The following GPR179 variants were observed in gnomAD, a reference collection of about 807,000 sequenced individuals.
GPR179 encodes G protein-coupled receptor 179.
Under a neutral mutation model 70.8 loss-of-function variants are expected in GPR179, and 52 were observed. The ratio of observed to expected loss-of-function variants is 0.73; its 90% CI spans 0.59 to 0.93. GPR179 has a LOEUF of 0.93. Among genes scored for constraint, GPR179 ranks in the 40% least tolerant of loss-of-function variants. GPR179 has a pLI of 0.00. For missense variants in GPR179, 2,734 were observed against 2,966.8 expected (o/e 0.92, Z 1.82); for synonymous variants, 1,123 against 1,169.0 (o/e 0.96, Z 0.80).
chr17:38,342,452 G>A (rs2037457270), intron 1 of GPR179, among the ~76,000 whole-genome samples: 1 of 151,598 alleles, frequency 6.6e-6, no homozygotes, highest in African/African-American at 2.4e-5. Flanking sequence ...TGATTCTCCT[G>A]CCTCAGCCTC....
At position 38,327,994 on chromosome 17, in the gene GPR179, C is replaced by A. The variant is rs371603020; in HGVS notation, c.5575G>T (p.Val1859Leu). ...KGRLTSLGED[V>L]SKGMAKLCQQ... ...CACAGTTTTGCCATCCCTTTTGATA[C>A]GTCTTCTCCCAGGGAAGTGAGTCTC... The change falls in exon 11 of 11, where the codon GTA becomes TTA. Residue 1859 changes from valine (V) to leucine (L), a missense_variant. Physicochemically the swap from Val to Leu is conservative, Grantham distance 32. Coordinates refer to ENST00000616987, the MANE Select transcript of GPR179 (RefSeq NM_001004334.4). The A allele has an allele frequency of 4.8e-5, 78 of 1,613,974 alleles. No individual in the cohort carries two copies. Among genetic ancestry groups the A allele is most frequent in the Non-Finnish European group, 6.1e-5 (72 of 1,180,018 alleles).
Position 38,335,573 on chromosome 17 carries a change from G to C in GPR179, c.1406+18C>G. The stretch of plus-strand genomic sequence containing the variant: ...CTGGGATGAGCAGCATGAGAGCAAA[G>C]TCTGCCCCAGGCCGTACCTGTAAAG... On this transcript the variant is annotated intron_variant, in intron 6 of 10. Transcript: ENST00000616987. 2 of 1,562,754 alleles carry C rather than the reference G, an allele frequency of 1.3e-6. No homozygotes were observed.
At position 38,337,124 on chromosome 17, in the gene GPR179, C is replaced by T; in HGVS notation, c.1081G>A (p.Glu361Lys). The T allele has an allele frequency of 6.2e-7, 1 of 1,612,592 alleles. No individual in the cohort carries two copies. The highest frequency in any genetic ancestry group is 8.5e-7 in the Non-Finnish European group (1 of 1,179,518). The part of the protein sequence containing the change: ...GRLLQCLPCP[E>K]GCTSCMDATP... The stretch of plus-strand genomic sequence containing the variant: ...GCATCCATGCAGCTGGTGCAGCCCT[C>T]AGGACATGGCAGACACTGCAGCAGT... Residue 361 changes from glutamate (E) to lysine (K), a missense_variant, in exon 4 of 11, where the codon GAG becomes AAG. Physicochemically the swap from Glu to Lys is moderately conservative, Grantham distance 56. Transcript: ENST00000616987.
chr17:38,328,856 C>G lies in GPR179; in HGVS notation c.4713G>C (p.Gln1571His), dbSNP rs199691238. 4 of 1,613,346 alleles carry G rather than the reference C, an allele frequency of 2.5e-6. No homozygotes were observed. Among genetic ancestry groups the G allele is most frequent in the Non-Finnish European group, 3.4e-6 (4 of 1,179,866 alleles). The change falls in exon 11 of 11, where the codon CAG becomes CAC. Residue 1571 changes from glutamine (Q) to histidine (H), a missense_variant. Physicochemically the swap from Gln to His is conservative, Grantham distance 24. Coordinates refer to ENST00000616987, the MANE Select transcript of GPR179 (RefSeq NM_001004334.4). ...GCCTGAGATCTTCCTGTGGACACAC[C>G]TGCGTTGCTCTGCTTCCTCCATTGC... ...FLCNGGSRATQVCPQEDLRPE... is the reference protein window; with the variant it reads ...FLCNGGSRATHVCPQEDLRPE...
At chr17:38,338,399 A>G (rs1305264359) in intron 2 of GPR179, among the ~76,000 whole-genome samples, 3 of 152,216 alleles carry the variant, frequency 2.0e-5, no homozygotes, top group Non-Finnish European at 4.4e-5. Context: ...GACATCAGTG[A>G]CGCAAATGAA....
At position 38,337,073 on chromosome 17, in the gene GPR179, C is replaced by T. The variant is rs141091055; in HGVS notation, c.1132G>A (p.Ala378Thr). The part of the protein sequence containing the change: ...DATPCLVEEA[A>T]VLRAAVLACQ... ...GCCAGCACAGCGGCCCGCAGCACCGCGGCCTCTTCCACCAGGCACGGTGTG... is the reference window on the plus strand; with the variant it reads ...GCCAGCACAGCGGCCCGCAGCACCGTGGCCTCTTCCACCAGGCACGGTGTG... Residue 378 changes from alanine (A) to threonine (T), a missense_variant, in exon 4 of 11, where the codon GCG (alanine) becomes ACG (threonine). Transcript: ENST00000616987. 76 of 1,608,972 alleles carry T rather than the reference C, an allele frequency of 4.7e-5. No individual in the cohort carries two copies. Among genetic ancestry groups the T allele is most frequent in the Middle Eastern group, 1.7e-4 (1 of 6,004 alleles).
chr17:38,324,920 A>G lies in GPR179; in HGVS notation c.*1545T>C, dbSNP rs1309552367. On this transcript the variant is annotated 3_prime_UTR_variant, in exon 11 of 11. Coordinates refer to ENST00000616987, the MANE Select transcript of GPR179 (RefSeq NM_001004334.4). ...CTGTGAAGTCCCATAACCGCCCAGC[A>G]TATTTACATGCAGACTAGATGTTAA... Among the ~76,000 whole-genome samples the G allele has an allele frequency of 1.3e-5, 2 of 152,204 alleles. No individual in the cohort carries two copies. Among genetic ancestry groups the G allele is most frequent in the Admixed American group, 6.5e-5 (1 of 15,278 alleles).
At chr17:38,336,674 T>C (rs1246341703) in intron 4 of GPR179, among the ~76,000 whole-genome samples, 1 of 152,224 alleles carries the variant, frequency 6.6e-6, no homozygotes, top group Admixed American at 6.5e-5. Context: ...TTTATTTACA[T>C]GTCTGCTTCC....
At chr17:38,339,353 C>T (rs767955704) in intron 2 of GPR179, 64 bp downstream of exon 2, 41 of 999,158 alleles carry the variant, frequency 4.1e-5, no homozygotes, top group Admixed American at 1.3e-4. Flanking sequence ...TGCATGGTGG[C>T]GGTGATGGGA....
Position 38,343,699 on chromosome 17 carries a change from G to T in GPR179, c.91C>A (p.Pro31Thr). ...VCAWALGGPR[P>T]IRSLPPLSSQ... ...GACAGAGGGGGCAGAGAGCGGATGG[G>T]CCGTGGACCCCCCAGAGCCCAGGCA... Residue 31 changes from proline to threonine, a missense_variant, in exon 1 of 11, where the codon CCC becomes ACC. Transcript: ENST00000616987. This position sits in a 1 kb window ranked among gnomAD's most constrained non-coding sequence, Gnocchi z 4.2. The T allele has an allele frequency of 6.2e-7, 1 of 1,602,102 alleles. No homozygotes were observed. Among genetic ancestry groups the T allele is most frequent in the East Asian group, 2.2e-5 (1 of 44,634 alleles).
Position 38,328,925 on chromosome 17 carries a change from T to A in GPR179, c.4644A>T (p.Pro1548=). Residue 1548 remains proline, a synonymous_variant, in exon 11 of 11, where the codon CCA becomes CCT. Transcript: ENST00000616987. Reference sequence around the variant, plus strand: ...CTTTGGATGAGGAATTGTCTAGACATGGGCTGGAGTGCCCAGGGACCGTGC... The same window carrying A: ...CTTTGGATGAGGAATTGTCTAGACAAGGGCTGGAGTGCCCAGGGACCGTGC... ...RESTVPGHSS[P]CLDNSSSKAG... 1 of 1,614,198 alleles carries A rather than the reference T, an allele frequency of 6.2e-7. No homozygotes were observed.
Position 38,335,290 on chromosome 17 carries a change from A to G in GPR179, c.1407-19T>C, listed in dbSNP as rs762263858. 4 of 1,531,600 alleles carry G rather than the reference A, an allele frequency of 2.6e-6. No individual in the cohort carries two copies. The South Asian group carries it at 4.8e-5, about 18-fold the overall frequency. 94.9% of individuals were successfully genotyped at this position (1,531,600 alleles called of 1,614,324 possible). ...CAGCACTCTGCGAGGGTTAGAATAC[A>G]CAGGGTGGATGGCAGGGACCTGGGT... is the stretch of plus-strand genomic sequence containing the variant. On this transcript the variant is annotated intron_variant, in intron 6 of 10. Coordinates refer to ENST00000616987, the MANE Select transcript of GPR179 (RefSeq NM_001004334.4).
chr17:38,343,130 A>T lies in GPR179; in HGVS notation c.660T>A (p.Tyr220Ter). 6.2e-7 allele frequency: 1 copy of T among 1,614,158 alleles called. No individual in the cohort carries two copies. The highest frequency in any genetic ancestry group is 8.5e-7 in the Non-Finnish European group (1 of 1,180,008). ...GCCTCACCTGCTGCGTGTCCCCCAC[A>T]TATCCATCTGCCTGCGGCCACTTGG... is the stretch of plus-strand genomic sequence containing the variant. Reference protein sequence around the residue: ...GSPKWPQADGYVGDTQQVRLS... With the variant: ...GSPKWPQADG The change falls in exon 1 of 11, where the codon TAT (tyrosine) becomes TAA (stop). Residue 220 changes from tyrosine (Y) to a stop codon, truncating the protein, a stop_gained. Transcript: ENST00000616987. LOFTEE classifies it high-confidence loss of function. The surrounding 1 kb of genome is among the most constrained non-coding windows in gnomAD (Gnocchi z 4.2).
rs754071688 is a variant in GPR179, at chr17:38,329,085, A to G, written c.4484T>C (p.Leu1495Pro). The change falls in exon 11 of 11, where the codon CTG becomes CCG. Residue 1495 changes from leucine (L) to proline (P), a missense_variant. Leu to Pro is a moderately conservative substitution (Grantham distance 98). Transcript: ENST00000616987. ...DNVMGQEMLS[L>P]GTGRESLQEK... is the part of the protein sequence containing the mutation. ...TTGAAGAGATTCTCTACCTGTCCCC[A>G]GACTCAGCATTTCCTGCCCCATCAC... The G allele has an allele frequency of 6.8e-6, 11 of 1,611,666 alleles. No individual in the cohort carries two copies. Among genetic ancestry groups the G allele is most frequent in the Non-Finnish European group, 8.5e-6 (10 of 1,179,364 alleles).
Position 38,326,629 on chromosome 17 carries a change from C to A in GPR179, c.6940G>T (p.Gly2314Ter), listed in dbSNP as rs958993758. The change falls in exon 11 of 11, where the codon GGA becomes TGA. Residue 2314 changes from glycine to a stop codon, truncating the protein, a stop_gained. Coordinates refer to ENST00000616987, the MANE Select transcript of GPR179 (RefSeq NM_001004334.4). LOFTEE classifies it low-confidence loss of function (END_TRUNC). Reference sequence around the variant, plus strand: ...GTCCTTGGCTCAAGCCCTGAAGGTCCTTGTAGTTCTCTGACACCTTCTAGA... The same window carrying A: ...GTCCTTGGCTCAAGCCCTGAAGGTCATTGTAGTTCTCTGACACCTTCTAGA... ...FTLEGVRELQGPSGLEPRTSL... is the reference protein window; with the variant it reads ...FTLEGVRELQ 6.2e-7 allele frequency: 1 copy of A among 1,614,212 alleles called. No individual in the cohort carries two copies. Among genetic ancestry groups the A allele is most frequent in the Non-Finnish European group, 8.5e-7 (1 of 1,180,036 alleles).
rs559969094 is a variant in GPR179, at chr17:38,342,028, A to C, written c.794+968T>G. Reference sequence around the variant, plus strand: ...GCTACTCAGGAGGCTGAGGCAGGAGAATCATCTGTACCTGGGAGGCTGCAG... The same window carrying C: ...GCTACTCAGGAGGCTGAGGCAGGAGCATCATCTGTACCTGGGAGGCTGCAG... On this transcript the variant is annotated intron_variant, in intron 1 of 10. Coordinates refer to ENST00000616987, the MANE Select transcript of GPR179 (RefSeq NM_001004334.4). 1.2e-4 allele frequency among the ~76,000 whole-genome samples: 19 copies of C among 152,150 alleles called. No individual in the cohort carries two copies. The South Asian group carries it at 3.7e-3, about 30-fold the overall frequency.
intron 1 of GPR179, among the ~76,000 whole-genome samples, chr17:38,339,844 T>A (rs2037435456): frequency 6.6e-6 from 1 of 152,182 alleles, no homozygotes; most frequent in Non-Finnish European, 1.5e-5. Flanking sequence ...ATTACTCTCA[T>A]CTTCCCCTGC....
In GPR179 at chr17:38,334,736, C is replaced by T; in HGVS notation, c.1752G>A (p.Glu584=). ...TGTGGAAGGCAGCGGAAAGCAGTAG[C>T]TCATTGTGCAGGGCGATGCCCATGT... The part of the protein sequence containing the change: ...PRYMGIALHN[E]LLLSAAFHTA... The change falls in exon 8 of 11, where the codon GAG becomes GAA. Residue 584 remains glutamate, a synonymous_variant. Transcript: ENST00000616987. This position sits in a 1 kb window ranked among gnomAD's most constrained non-coding sequence, Gnocchi z 4.7. 1 of 1,613,880 alleles carries T rather than the reference C, an allele frequency of 6.2e-7. No individual in the cohort carries two copies. The highest frequency in any genetic ancestry group is 8.5e-7 in the Non-Finnish European group (1 of 1,179,990).
Position 38,334,756 on chromosome 17 carries a change from C to T in GPR179, c.1732G>A (p.Gly578Ser), listed in dbSNP as rs755698127. The change falls in exon 8 of 11, where the codon GGC becomes AGC. Residue 578 changes from glycine (G) to serine (S), a missense_variant. Transcript: ENST00000616987. This position sits in a 1 kb window ranked among gnomAD's most constrained non-coding sequence, Gnocchi z 4.7. ...AGTAGCTCATTGTGCAGGGCGATGC[C>T]CATGTAGCGTGGCTCATGGAAGGCC... ...LSAFHEPRYMGIALHNELLLS... is the reference protein window; with the variant it reads ...LSAFHEPRYMSIALHNELLLS... The T allele has an allele frequency of 6.2e-7, 1 of 1,613,778 alleles. No homozygotes were observed. Among genetic ancestry groups the T allele is most frequent in the Non-Finnish European group, 8.5e-7 (1 of 1,179,980 alleles).
Sources: allele counts gnomAD v4.1 joint callset (sites outside exome capture counted in the v4.1 genomes callset), GRCh38; gene constraint gnomAD v4.1.1; non-coding constraint Gnocchi (gnomAD v3.1); transcripts MANE v1.5; gene names NCBI Gene and HGNC (gene_info 2026-07-23, HGNC 2026-07-21).